PDE1A: variants seen among roughly 807,000 people sequenced by gnomAD.
PDE1A encodes the protein dual specificity calcium/calmodulin-dependent 3',5'-cyclic nucleotide phosphodiesterase 1A.
Under a neutral mutation model 61.7 loss-of-function variants are expected in PDE1A, and 35 were observed. The observed-to-expected ratio is 0.57, with a 90% CI of 0.43 to 0.75. The LOEUF (loss-of-function observed/expected upper bound fraction) is 0.75. PDE1A is among the 30% of genes least tolerant of loss of function. The pLI is 0.00. For synonymous variants in PDE1A, 232 were observed against 213.2 expected, an observed-to-expected ratio of 1.09 and a Z score of -0.77; for missense variants, 597 against 630.6, an observed-to-expected ratio of 0.95 and a Z score of 0.57.
intron 13 of PDE1A, among the ~76,000 whole-genome samples, chr2:182,149,606 T>C (rs1690671501): frequency 6.6e-6 from 1 of 152,212 alleles, no homozygotes; most frequent in Non-Finnish European, 1.5e-5. Context: ...TTTTAGTTGA[T>C]AAATCTTTAG....
rs148358464 is a variant in PDE1A at position 182,264,878 on chromosome 2, C to CATATATATATATATATAT, written c.54-465_54-464insATATATATATATATATAT. Among the ~76,000 whole-genome samples, 1,023 of 106,772 alleles carry CATATATATATATATATAT rather than the reference C, an allele frequency of 9.6e-3. 91 individuals carry two copies. Among genetic ancestry groups the CATATATATATATATATAT allele is most frequent in the South Asian group, 0.028 (84 of 2,954 alleles). The allele number at this position is 106,772 out of a possible 152,430, so 70.0% of individuals were successfully genotyped here. A position where few individuals can be genotyped will look rare whatever the true frequency, so the allele number is the denominator to read the frequency against. ...ATAAAGAAAATGTGGTATATATATA[C>CATATATATATATATATAT]ATATATATATATATGTATATATATA... On this transcript the variant is annotated intron_variant, in intron 1 of 13. Transcript: ENST00000351439.
At chr2:182,610,896 A>G in the PDE1A span, among the ~76,000 whole-genome samples, 1 of 152,250 alleles carries the variant, frequency 6.6e-6, no homozygotes, top group Non-Finnish European at 1.5e-5. Flanking sequence ...TTAAGAGAAT[A>G]AAGTAAATTA....
chr2:182,559,305 G>A, the PDE1A span, among the ~76,000 whole-genome samples: 1 of 152,030 alleles, frequency 6.6e-6, no homozygotes, highest in Non-Finnish European at 1.5e-5. Flanking sequence ...ATAAGCAGTG[G>A]CTAGATTATA....
At chr2:182,497,857 A>G (rs2125905867) in intron 2 of PDE1A, among the ~76,000 whole-genome samples, 1 of 151,676 alleles carries the variant, frequency 6.6e-6, no homozygotes, top group East Asian at 1.9e-4. Context: ...CCTGGCTAAC[A>G]CCTTGAAACC....
the PDE1A span, among the ~76,000 whole-genome samples, chr2:182,714,611 C>A: frequency 6.6e-6 from 1 of 152,030 alleles, no homozygotes; most frequent in Non-Finnish European, 1.5e-5. Context: ...TGTACCCAGG[C>A]TGGTGTGCAG....
At chr2:182,409,279 T>C (rs1022636164) in intron 1 of PDE1A, among the ~76,000 whole-genome samples, 3 of 152,238 alleles carry the variant, frequency 2.0e-5, no homozygotes, top group African/African-American at 7.2e-5. Context: ...TAGAAATTTC[T>C]ACCTGAACAG....
At chr2:182,643,373 C>T in the PDE1A span, among the ~76,000 whole-genome samples, 3 of 152,176 alleles carry the variant, frequency 2.0e-5, no homozygotes, top group African/African-American at 7.2e-5. Flanking sequence ...ATGTTTTTCT[C>T]CCTATATCCA....
intron 6 of PDE1A, among the ~76,000 whole-genome samples, chr2:182,229,637 G>T (rs1439998006): frequency 2.0e-5 from 3 of 152,124 alleles, no homozygotes; most frequent in Non-Finnish European, 4.4e-5. Context: ...CTAAGGTCAG[G>T]TTAGGAGCAC....
In PDE1A at chr2:182,516,260, G is replaced by A. The variant is rs575902669; in HGVS notation, c.101+6016C>T. Among the ~76,000 whole-genome samples, 5 of 152,114 alleles carry A rather than the reference G, an allele frequency of 3.3e-5. No individual in the cohort carries two copies. In the East Asian group the frequency reaches 7.7e-4, roughly 24 times the overall value. On this transcript the variant is annotated intron_variant, in intron 2 of 14. Coordinates refer to the PDE1A transcript ENST00000410103. The stretch of plus-strand genomic sequence containing the variant: ...AGTTTCTAGAGGTTGCCCTTGGCTC[G>A]TGGCCCACTTTCACCATCTTCAATA...
chr2:182,261,787 T>C (rs1692234970), intron 2 of PDE1A, among the ~76,000 whole-genome samples: 1 of 152,154 alleles, frequency 6.6e-6, no homozygotes, highest in Non-Finnish European at 1.5e-5. Flanking sequence ...ATAAAGCATA[T>C]AATAATCTAT....
At chr2:182,556,583 T>C in the PDE1A span, among the ~76,000 whole-genome samples, 1 of 152,176 alleles carries the variant, frequency 6.6e-6, no homozygotes, top group African/African-American at 2.4e-5. Context: ...ATGGCCATAT[T>C]GGGAATTGAA....
At chr2:182,369,255 A>C (rs1318036291) in intron 1 of PDE1A, among the ~76,000 whole-genome samples, 2 of 152,088 alleles carry the variant, frequency 1.3e-5, no homozygotes, top group Non-Finnish European at 2.9e-5. Context: ...TCCTCTTTTC[A>C]CAAGCCCATG....
At chr2:182,516,563 G>A (rs944623674) in intron 2 of PDE1A, among the ~76,000 whole-genome samples, 1 of 151,836 alleles carries the variant, frequency 6.6e-6, no homozygotes, top group Non-Finnish European at 1.5e-5. Context: ...TGAGGTGGGA[G>A]GATCACCTGA....
intron 2 of PDE1A, among the ~76,000 whole-genome samples, chr2:182,479,475 T>C (rs1364238524): frequency 6.6e-6 from 1 of 151,676 alleles, no homozygotes; most frequent in East Asian, 1.9e-4. Flanking sequence ...TTTTACCCTC[T>C]TCTTCATAAA....
the PDE1A span, among the ~76,000 whole-genome samples, chr2:182,565,494 G>C: frequency 9.9e-5 from 15 of 152,134 alleles, 1 homozygote; most frequent in African/African-American, 3.6e-4. Flanking sequence ...AGGCTGCTCG[G>C]GGGTCAGGGA....
At chr2:182,233,221 T>A (rs1416006670) in intron 4 of PDE1A, among the ~76,000 whole-genome samples, 5 of 152,198 alleles carry the variant, frequency 3.3e-5, no homozygotes, top group African/African-American at 9.7e-5. Context: ...ATGATTAATA[T>A]CCTTTAATGC....
intron 2 of PDE1A, among the ~76,000 whole-genome samples, chr2:182,432,542 C>T (rs951176823): frequency 3.9e-5 from 6 of 152,006 alleles, no homozygotes; most frequent in South Asian, 2.1e-4. Context: ...ATTCCCTGTG[C>T]ATAGTATATA....
At chr2:182,617,230 G>A in the PDE1A span, among the ~76,000 whole-genome samples, 2 of 152,158 alleles carry the variant, frequency 1.3e-5, no homozygotes, top group South Asian at 4.1e-4. Context: ...TCAGCCATAT[G>A]AGTGGTCAAT....
At chr2:182,403,598 C>CAAA (rs548993514) in intron 1 of PDE1A, among the ~76,000 whole-genome samples, 812 of 77,596 alleles carry the variant, frequency 0.01, 27 homozygotes, top group African/African-American at 0.047. Context: ...GACTCCGTCT[C>CAAA]AAAAAAAAAA....
Sources: gnomAD v4.1 joint callset for allele counts (sites outside exome capture counted in the v4.1 genomes callset) on GRCh38, gnomAD v4.1.1 for gene constraint, MANE v1.5 for transcripts, NCBI Gene and HGNC (gene_info 2026-07-23, HGNC 2026-07-21) for gene names.